Variants in ZFP14 observed in about 807,000 individuals in gnomAD.
The protein encoded by ZFP14 is zinc finger protein 14 homolog.
ZFP14 carries 22 observed loss-of-function variants against 54.5 expected under a neutral mutation model. That is an observed-to-expected ratio of 0.40 (90% confidence interval 0.29 to 0.58). ZFP14 has a LOEUF of 0.58. Among genes scored for constraint, ZFP14 ranks in the 20% least tolerant of loss-of-function variants. The pLI, the probability that ZFP14 is intolerant of heterozygous loss-of-function variation, is 0.39. For missense variants in ZFP14, 470 were observed against 637.8 expected, an observed-to-expected ratio of 0.74 and a Z score of 2.83; for synonymous variants, 159 against 204.0, an observed-to-expected ratio of 0.78 and a Z score of 1.88.
Position 36,335,130 on chromosome 19 carries a change from TC to T in ZFP14, c.*5093del, listed in dbSNP as rs2031168426. 6.6e-6 allele frequency: 1 copy of T among 152,264 alleles called. No individual in the cohort carries two copies. Among genetic ancestry groups the T allele is most frequent in the African/African-American group, 2.4e-5 (1 of 41,470 alleles). The allele number at this position is 152,264 out of a possible 1,614,324, so 9.4% of individuals were successfully genotyped here. ...CTCAAGTGATCTGCTCGCCTTGGCC[TC>T]CCAAAATGTTGGGATTACAGGCGTG... On this transcript the variant is annotated 3_prime_UTR_variant, in exon 5 of 5. Coordinates refer to ENST00000270001, the MANE Select transcript of ZFP14 (RefSeq NM_020917.3).
In ZFP14 at chr19:36,337,231, G is replaced by A. The variant is rs1034502912; in HGVS notation, c.*2993C>T. ...TTTAAGTCTCTTTTAATCTGTTAAT[G>A]GTTGCCCTTCCCCTTGTATTTTCAT... On this transcript the variant is annotated 3_prime_UTR_variant, in exon 5 of 5. Transcript: ENST00000270001. The A allele has an allele frequency of 6.6e-6, 1 of 151,960 alleles. No individual in the cohort carries two copies. The highest frequency in any genetic ancestry group is 1.5e-5 in the Non-Finnish European group (1 of 68,008). 9.4% of individuals were successfully genotyped at this position (151,960 alleles called of 1,614,324 possible). A position where few individuals can be genotyped will look rare whatever the true frequency, so the allele number is the denominator to read the frequency against.
chr19:36,335,126 G>C lies in ZFP14; in HGVS notation c.*5098C>G, dbSNP rs1442923679. ...TGACCTCAAGTGATCTGCTCGCCTT[G>C]GCCTCCCAAAATGTTGGGATTACAG... On this transcript the variant is annotated 3_prime_UTR_variant, in exon 5 of 5. Transcript: ENST00000270001. The C allele has an allele frequency of 6.6e-6, 1 of 152,192 alleles. No homozygotes were observed. The highest frequency in any genetic ancestry group is 1.5e-5 in the Non-Finnish European group (1 of 68,046). 9.4% of individuals were successfully genotyped at this position (152,192 alleles called of 1,614,324 possible).
intron 4 of ZFP14, among the ~76,000 whole-genome samples, chr19:36,345,490 T>C (rs1323082182): frequency 6.6e-6 from 1 of 152,148 alleles, no homozygotes; most frequent in Non-Finnish European, 1.5e-5. Flanking sequence ...ATAAAGGCTA[T>C]GTTGGATGTG....
At chr19:36,374,953 T>G (rs1360155884) in intron 1 of ZFP14, among the ~76,000 whole-genome samples, 1 of 152,184 alleles carries the variant, frequency 6.6e-6, no homozygotes, top group Non-Finnish European at 1.5e-5. Context: ...AGTGGCTTTT[T>G]TTTTTACTTC....
chr19:36,368,126 C>A (rs1399815430), intron 1 of ZFP14, among the ~76,000 whole-genome samples, 155 bp from the exon 2 acceptor site: 1 of 152,230 alleles, frequency 6.6e-6, no homozygotes, highest in East Asian at 1.9e-4. Flanking sequence ...ATGCCCATCC[C>A]TATCCTATAC....
intron 3 of ZFP14, among the ~76,000 whole-genome samples, chr19:36,361,854 T>C (rs1438926046): frequency 6.6e-6 from 1 of 152,160 alleles, no homozygotes; most frequent in Non-Finnish European, 1.5e-5. Context: ...TAAGGTGAAG[T>C]CTGGTTTCTT....
In ZFP14 at chr19:36,334,636, G is replaced by C. The variant is rs958515092; in HGVS notation, c.*5588C>G. ...TAGCTACTTTCAGAGCATGATATGA[G>C]CTGCAAAAAATTGCCCTGACTTATG... On this transcript the variant is annotated 3_prime_UTR_variant, in exon 5 of 5. Coordinates refer to ENST00000270001, the MANE Select transcript of ZFP14 (RefSeq NM_020917.3). 6.6e-6 allele frequency: 1 copy of C among 152,176 alleles called. No individual in the cohort carries two copies. The highest frequency in any genetic ancestry group is 2.4e-5 in the African/African-American group (1 of 41,518). The allele number at this position is 152,176 out of a possible 1,614,324, so 9.4% of individuals were successfully genotyped here. A position where few individuals can be genotyped will look rare whatever the true frequency, so the allele number is the denominator to read the frequency against.
chr19:36,375,233 A>C (rs2031941529), intron 1 of ZFP14, among the ~76,000 whole-genome samples: 1 of 152,160 alleles, frequency 6.6e-6, no homozygotes, highest in South Asian at 2.1e-4. Flanking sequence ...TTAAAATAAA[A>C]ACTGTAAGGC....
intron 2 of ZFP14, among the ~76,000 whole-genome samples, chr19:36,364,719 T>C (rs1568472321): frequency 6.6e-6 from 1 of 152,260 alleles, no homozygotes; most frequent in Non-Finnish European, 1.5e-5. Context: ...CAGTCAACAC[T>C]AAATCCTATC....
chr19:36,372,974 G>A (rs1373031381), intron 1 of ZFP14, among the ~76,000 whole-genome samples: 1 of 152,100 alleles, frequency 6.6e-6, no homozygotes, highest in Non-Finnish European at 1.5e-5. Context: ...ATTCATAAGT[G>A]GAATCTTAAA....
intron 4 of ZFP14, among the ~76,000 whole-genome samples, chr19:36,348,841 A>G (rs538887169): frequency 1.3e-5 from 2 of 152,266 alleles, no homozygotes; most frequent in Admixed American, 1.3e-4. Context: ...TTCCTCCCCA[A>G]GAGATCCCAG....
chr19:36,363,189 CTTT>C (rs772799449), intron 2 of ZFP14, among the ~76,000 whole-genome samples: 347 of 97,732 alleles, frequency 3.6e-3, no homozygotes, highest in African/African-American at 0.013. Context: ...CTTTTCTTTT[CTTT>C]TTTTTTTTTT....
intron 4 of ZFP14, among the ~76,000 whole-genome samples, chr19:36,347,106 G>T (rs114522124): frequency 6.6e-6 from 1 of 152,242 alleles, no homozygotes; most frequent in East Asian, 1.9e-4. Flanking sequence ...TGTGCTGAGA[G>T]CAATCAAATC....
intron 4 of ZFP14, among the ~76,000 whole-genome samples, chr19:36,358,084 C>G (rs1568469923): frequency 6.8e-6 from 1 of 146,350 alleles, no homozygotes; most frequent in African/African-American, 2.5e-5. Context: ...ATCTATCTAT[C>G]TATCTATCAT....
chr19:36,348,863 G>A (rs2031463981), intron 4 of ZFP14, among the ~76,000 whole-genome samples: 1 of 152,054 alleles, frequency 6.6e-6, no homozygotes. Context: ...AACCAGAGGT[G>A]GAACTTAAGC....
intron 1 of ZFP14, among the ~76,000 whole-genome samples, chr19:36,375,919 C>T (rs2031955103): frequency 6.6e-6 from 1 of 151,632 alleles, no homozygotes; most frequent in African/African-American, 2.4e-5. Flanking sequence ...TCTTAAACTC[C>T]TGACCTCGGG....
At chr19:36,358,519 T>G (rs928036378) in intron 4 of ZFP14, among the ~76,000 whole-genome samples, 1 of 152,230 alleles carries the variant, frequency 6.6e-6, no homozygotes, top group Non-Finnish European at 1.5e-5. Context: ...TACACAATCA[T>G]GTCATCTCCA....
At chr19:36,343,266 T>C (rs2031355089) in intron 4 of ZFP14, among the ~76,000 whole-genome samples, 1 of 152,262 alleles carries the variant, frequency 6.6e-6, no homozygotes, top group Non-Finnish European at 1.5e-5. Context: ...TTTTCAATGC[T>C]ATCTCTTTAC....
chr19:36,368,579 C>T (rs1163085441), intron 1 of ZFP14, among the ~76,000 whole-genome samples: 15 of 152,290 alleles, frequency 9.8e-5, no homozygotes, highest in Middle Eastern at 6.8e-3. Flanking sequence ...GGATCTGGTC[C>T]AGACACTGGA....
Sources: allele counts gnomAD v4.1 joint callset (sites outside exome capture counted in the v4.1 genomes callset), GRCh38; gene constraint gnomAD v4.1.1; transcripts MANE v1.5; gene names NCBI Gene and HGNC (gene_info 2026-07-23, HGNC 2026-07-21).